PRPF38B: variants seen among roughly 807,000 people sequenced by gnomAD.
PRPF38B encodes pre-mRNA processing factor 38B, also known as pre-mRNA-splicing factor 38B.
Under a neutral mutation model 67.2 loss-of-function variants are expected in PRPF38B, and 18 were observed. That is an observed-to-expected ratio of 0.27 (90% CI 0.19 to 0.40). The LOEUF (loss-of-function observed/expected upper bound fraction) is 0.40. Ranked by LOEUF, PRPF38B falls within the 10% of genes least tolerant of loss-of-function variation. The pLI, the probability that PRPF38B is intolerant of heterozygous loss-of-function variation, is 1.00. For missense variants in PRPF38B, 544 were observed against 684.9 expected, an observed-to-expected ratio of 0.79 and a Z score of 2.30; for synonymous variants, 246 against 234.2, an observed-to-expected ratio of 1.05 and a Z score of -0.46.
chr1:108,699,643 G>A lies in PRPF38B; in HGVS notation c.1264G>A (p.Glu422Lys), dbSNP rs138661549. The A allele has an allele frequency of 1.9e-5, 30 of 1,562,548 alleles. No homozygotes were observed. The highest frequency in any genetic ancestry group is 1.8e-4 in the Admixed American group (9 of 51,416). ...HRDDKRDSKK[E>K]KKHSRSRSRE... ...AGATGACAAAAGAGATTCCAAGAAA[G>A]AGAAAAAACACAGTAGAAGCAGAAG... The change falls in exon 6 of 6, where the codon GAG becomes AAG. Residue 422 changes from glutamate to lysine, a missense_variant. By Grantham distance (56) the Glu-to-Lys change is moderately conservative. Transcript: ENST00000370025.
In PRPF38B at chr1:108,692,369, T is replaced by C; in HGVS notation, c.-223T>C. ...GAGCTCCCTGGCTGCCGGCTCGCCT[T>C]CTGCGTGGAGTTCTCGCGGTCTGGG... is the stretch of plus-strand genomic sequence containing the variant. On this transcript the variant is annotated 5_prime_UTR_variant, in exon 1 of 6. Coordinates refer to ENST00000370025, the MANE Select transcript of PRPF38B (RefSeq NM_018061.4). The C allele has an allele frequency of 1.8e-6, 1 of 568,800 alleles. No homozygotes were observed. The highest frequency in any genetic ancestry group is 2.3e-5 in the South Asian group (1 of 44,358). The allele number at this position is 568,800 out of a possible 1,614,324, so 35.2% of individuals were successfully genotyped here.
At position 108,699,581 on chromosome 1, in the gene PRPF38B, A is replaced by G; in HGVS notation, c.1202A>G (p.Lys401Arg). ...AGAAGTAGGGGAGAGGTAGAAGAGAAGAAACATAAAGAAGACAAAGATGAT... is the reference window on the plus strand; with the variant it reads ...AGAAGTAGGGGAGAGGTAGAAGAGAGGAAACATAAAGAAGACAAAGATGAT... ...EQRSRGEVEE[K>R]KHKEDKDDRR... The change falls in exon 6 of 6, where the codon AAG (lysine) becomes AGG (arginine). Residue 401 changes from lysine (K) to arginine (R), a missense_variant. Physicochemically the swap from Lys to Arg is conservative, Grantham distance 26 (BLOSUM62 2). Coordinates refer to ENST00000370025, the MANE Select transcript of PRPF38B (RefSeq NM_018061.4). The G allele has an allele frequency of 6.4e-7, 1 of 1,553,138 alleles. No homozygotes were observed. Among genetic ancestry groups the G allele is most frequent in the Non-Finnish European group, 8.7e-7 (1 of 1,147,690 alleles).
intron 4 of PRPF38B, chr1:108,697,895 G>C (rs189944613): frequency 6.6e-6 from 1 of 152,262 alleles, no homozygotes; most frequent in Non-Finnish European, 1.5e-5. Flanking sequence ...TTTAGCTCTT[G>C]TTTTCCTGTT....
chr1:108,694,747 A>AT (rs995835571), intron 1 of PRPF38B, among the ~76,000 whole-genome samples: 15 of 150,608 alleles, frequency 1.0e-4, no homozygotes, highest in East Asian at 1.9e-4. Context: ...AAAAAACAGG[A>AT]TTTTTTTTTA....
Position 108,700,936 on chromosome 1 carries a change from T to C in PRPF38B, c.*916T>C, listed in dbSNP as rs1043810104. On this transcript the variant is annotated 3_prime_UTR_variant, in exon 6 of 6. Coordinates refer to ENST00000370025, the MANE Select transcript of PRPF38B (RefSeq NM_018061.4). ...CAAGCTTCCAAAGCATTTTTATAAA[T>C]GGAAAATCCTTAAATTATGAAACAG... 1.3e-5 allele frequency: 2 copies of C among 152,388 alleles called. No homozygotes were observed. The highest frequency in any genetic ancestry group is 4.1e-4 in the South Asian group (2 of 4,838). The allele number at this position is 152,388 out of a possible 1,614,324, so 9.4% of individuals were successfully genotyped here.
intron 2 of PRPF38B, 56 bp from the exon 3 acceptor site, chr1:108,695,987 G>A: frequency 6.5e-7 from 1 of 1,542,100 alleles, no homozygotes; most frequent in Non-Finnish European, 8.9e-7. Context: ...TAATCAATTG[G>A]TGTTAAGAGT....
chr1:108,693,646 T>C, intron 1 of PRPF38B: 3 of 975,132 alleles, frequency 3.1e-6, no homozygotes, highest in Non-Finnish European at 3.7e-6. Context: ...GGTAGAGGTA[T>C]GCACTATTAA....
chr1:108,697,790 C>T (rs1316710222), intron 4 of PRPF38B: 1 of 152,116 alleles, frequency 6.6e-6, no homozygotes, highest in African/African-American at 2.4e-5. Context: ...TTTAAGCTAA[C>T]TTATTGTTTT....
Position 108,696,926 on chromosome 1 carries a change from T to C in PRPF38B, c.558+589T>C, listed in dbSNP as rs779009298. 17 of 556,582 alleles carry C rather than the reference T, an allele frequency of 3.1e-5. No homozygotes were observed. In the Admixed American group the frequency reaches 3.8e-4, roughly 12 times the overall value. The allele number at this position is 556,582 out of a possible 1,614,324, so 34.5% of individuals were successfully genotyped here. A position where few individuals can be genotyped will look rare whatever the true frequency, so the allele number is the denominator to read the frequency against. ...ACCTTTAAAAAAGAAATTTTTTAAA[T>C]TGTAATTCGAGTCTCCCTAATTTGA... On this transcript the variant is annotated intron_variant, in intron 4 of 5. Transcript: ENST00000370025.
At chr1:108,698,955 C>T (rs910237617) in intron 5 of PRPF38B, 128 bp downstream of exon 5, 39 of 1,304,106 alleles carry the variant, frequency 3.0e-5, no homozygotes, top group Non-Finnish European at 3.9e-5. Flanking sequence ...ACTTTTACCC[C>T]CCAAAGATTA....
In PRPF38B at chr1:108,700,318, T is replaced by C; in HGVS notation, c.*298T>C. 1 of 271,190 alleles carries C rather than the reference T, an allele frequency of 3.7e-6. No individual in the cohort carries two copies. Among genetic ancestry groups the C allele is most frequent in the Non-Finnish European group, 6.6e-6 (1 of 152,548 alleles). The allele number at this position is 271,190 out of a possible 1,614,324, so 16.8% of individuals were successfully genotyped here. On this transcript the variant is annotated 3_prime_UTR_variant, in exon 6 of 6. Transcript: ENST00000370025. ...AAATGTTTTAATTCCTTTGGCATGGTTGCCATGTTGGTTAAATTTGTATAA... is the reference window on the plus strand; with the variant it reads ...AAATGTTTTAATTCCTTTGGCATGGCTGCCATGTTGGTTAAATTTGTATAA...
rs1660525167 is a variant in PRPF38B at position 108,701,808 on chromosome 1, A to C, written c.*1788A>C. 1 of 152,238 alleles carries C rather than the reference A, an allele frequency of 6.6e-6. No individual in the cohort carries two copies. Among genetic ancestry groups the C allele is most frequent in the Admixed American group, 6.5e-5 (1 of 15,288 alleles). 9.4% of individuals were successfully genotyped at this position (152,238 alleles called of 1,614,324 possible). On this transcript the variant is annotated 3_prime_UTR_variant, in exon 6 of 6. Transcript: ENST00000370025. ...TTAAATGAATTCTTCTAAAAATGAT[A>C]TGCTTTTTTCTTTTTTAAGAAAATT...
At chr1:108,694,586 A>T (rs1409371399) in intron 1 of PRPF38B, among the ~76,000 whole-genome samples, 2 of 152,202 alleles carry the variant, frequency 1.3e-5, no homozygotes, top group East Asian at 3.8e-4. Context: ...CATCTTTTAC[A>T]TGGCAATCTG....
rs1374212374 is a variant in PRPF38B, at chr1:108,699,947, A to T, written c.1568A>T (p.Asp523Val). Residue 523 changes from aspartate (D) to valine (V), a missense_variant, in exon 6 of 6, where the codon GAT (aspartate) becomes GTT (valine). Around this residue, in one of 5 missense-constraint regions of PRPF38B, gnomAD observed 387 missense variants for 386.1 expected, o/e 1.00. Transcript: ENST00000370025. ...SDSKDQSDKH[D>V]RRRSQSIEQE... Reference sequence around the variant, plus strand: ...AGTAAGGACCAGTCAGACAAACATGATCGTCGAAGGAGCCAAAGTATAGAA... The same window carrying T: ...AGTAAGGACCAGTCAGACAAACATGTTCGTCGAAGGAGCCAAAGTATAGAA... 1 of 1,613,590 alleles carries T rather than the reference A, an allele frequency of 6.2e-7. No individual in the cohort carries two copies. The highest frequency in any genetic ancestry group is 8.5e-7 in the Non-Finnish European group (1 of 1,179,928).
At chr1:108,693,632 C>G in intron 1 of PRPF38B, 1 of 982,346 alleles carries the variant, frequency 1.0e-6, no homozygotes, top group Non-Finnish European at 1.2e-6. Flanking sequence ...AGCCCAGGGT[C>G]GCAGGTAGAG....
rs1660634623 is a variant in PRPF38B, at chr1:108,702,717, C to T, written c.*2697C>T. 6.6e-6 allele frequency among the ~76,000 whole-genome samples: 1 copy of T among 152,054 alleles called. No individual in the cohort carries two copies. The highest frequency in any genetic ancestry group is 2.4e-5 in the African/African-American group (1 of 41,364). On this transcript the variant is annotated 3_prime_UTR_variant, in exon 6 of 6. Coordinates refer to ENST00000370025, the MANE Select transcript of PRPF38B (RefSeq NM_018061.4). Reference sequence around the variant, plus strand: ...CAGGTTGATGGGTGCAGCTCACCACCAAGGTACATGTATATCTAGGTAACA... The same window carrying T: ...CAGGTTGATGGGTGCAGCTCACCACTAAGGTACATGTATATCTAGGTAACA...
In PRPF38B at chr1:108,699,597, CAA is replaced by C. The variant is rs1292252731; in HGVS notation, c.1220_1221del (p.Lys407ArgfsTer2). 6.4e-7 allele frequency: 1 copy of C among 1,552,696 alleles called. No individual in the cohort carries two copies. Among genetic ancestry groups the C allele is most frequent in the African/African-American group, 1.4e-5 (1 of 72,844 alleles). On this transcript the variant is annotated frameshift_variant, in exon 6 of 6. Transcript: ENST00000370025. LOFTEE classifies it high-confidence loss of function. ...TAGAAGAGAAGAAACATAAAGAAGA[CAA>C]AGATGATAGGCGGCACAGAGATGAC... is the stretch of plus-strand genomic sequence containing the variant. ...EVEEKKHKEDKDDRRHRDDKR... is the reference protein window; with the variant it reads ...EVEEKKHKEDXDDRRHRDDKR...
chr1:108,695,042 C>T (rs1358032748), intron 1 of PRPF38B, among the ~76,000 whole-genome samples: 1 of 152,130 alleles, frequency 6.6e-6, no homozygotes, highest in African/African-American at 2.4e-5. Flanking sequence ...CAACAATGAT[C>T]TCTGTAAGTG....
At chr1:108,695,560 C>A in intron 1 of PRPF38B, 142 bp from the exon 2 acceptor site, 1 of 709,140 alleles carries the variant, frequency 1.4e-6, no homozygotes, top group South Asian at 2.2e-5. Context: ...ATGATTTACA[C>A]ACTTAATATC....
Sources: allele counts gnomAD v4.1 joint callset (sites outside exome capture counted in the v4.1 genomes callset), GRCh38; gene constraint gnomAD v4.1.1; regional missense constraint gnomAD v4.1.1; transcripts MANE v1.5; gene names NCBI Gene and HGNC (gene_info 2026-07-23, HGNC 2026-07-21).